HRH2: variants seen among roughly 807,000 people sequenced by gnomAD.
HRH2 encodes histamine H2 receptor.
A neutral mutation model predicts 20.1 loss-of-function variants in HRH2; 4 were observed. That is an observed-to-expected ratio of 0.20 (90% CI 0.10 to 0.45). The LOEUF is 0.45. Among genes scored for constraint, HRH2 ranks in the 20% least tolerant of loss-of-function variants. HRH2 has a pLI of 0.99. For missense variants in HRH2, 250 were observed against 461.6 expected (o/e 0.54, Z 4.20); for synonymous variants, 197 against 200.7 (o/e 0.98, Z 0.16).
intron 2 of HRH2, among the ~76,000 whole-genome samples, chr5:175,684,812 G>C (rs779195782): frequency 1.3e-5 from 2 of 152,200 alleles, no homozygotes; most frequent in African/African-American, 2.4e-5. Context: ...TACCGTGGGG[G>C]GGGTGTAAGT....
chr5:175,694,736 T>C (rs1245713842), intron 2 of HRH2, among the ~76,000 whole-genome samples: 1 of 152,148 alleles, frequency 6.6e-6, no homozygotes, highest in Admixed American at 6.5e-5. Context: ...AGCCTCTGGA[T>C]GGGAAGTGGA....
At chr5:175,685,060 C>T (rs1207830686) in intron 2 of HRH2, among the ~76,000 whole-genome samples, 3 of 152,072 alleles carry the variant, frequency 2.0e-5, no homozygotes, top group Non-Finnish European at 4.4e-5. Context: ...GAGAGGAAAG[C>T]AAAATCAAGG....
intron 2 of HRH2, among the ~76,000 whole-genome samples, chr5:175,701,699 G>T (rs1756791897): frequency 6.6e-6 from 1 of 152,150 alleles, no homozygotes; most frequent in Admixed American, 6.5e-5. Flanking sequence ...AAGGGAAATA[G>T]GTCAACTCCA....
chr5:175,682,886 G>C lies in HRH2; in HGVS notation c.-348G>C. 4.0e-6 allele frequency: 1 copy of C among 249,968 alleles called. No homozygotes were observed. Among genetic ancestry groups the C allele is most frequent in the Non-Finnish European group, 7.7e-6 (1 of 130,454 alleles). 15.5% of individuals were successfully genotyped at this position (249,968 alleles called of 1,614,324 possible). On this transcript the variant is annotated 5_prime_UTR_variant, in exon 2 of 3. Coordinates refer to ENST00000636584, the MANE Select transcript of HRH2 (RefSeq NM_001367711.1). The stretch of plus-strand genomic sequence containing the variant: ...GGATTCTATGCAAAACCTGGGAAGC[G>C]GAGACCTACCCCAGCCCCGGGAGGA...
At chr5:175,705,655 C>A (rs904223416) in intron 2 of HRH2, among the ~76,000 whole-genome samples, 4 of 151,926 alleles carry the variant, frequency 2.6e-5, no homozygotes, top group Non-Finnish European at 5.9e-5. Context: ...AGGTAGTGTG[C>A]CCAGAGTAGA....
Position 175,683,281 on chromosome 5 carries a change from A to G in HRH2, c.48A>G (p.Ala16=), listed in dbSNP as rs768800014. Reference sequence around the variant, plus strand: ...CTTCCTTTTGCCTGGACTCTACCGCATGCAAGATCACCATCACCGTGGTCC... The same window carrying G: ...CTTCCTTTTGCCTGGACTCTACCGCGTGCAAGATCACCATCACCGTGGTCC... ...TASSFCLDST[A]CKITITVVLA... The change falls in exon 2 of 3, where the codon GCA becomes GCG. Residue 16 remains alanine (A), a synonymous_variant. Coordinates refer to ENST00000636584, the MANE Select transcript of HRH2 (RefSeq NM_001367711.1). 1.2e-6 allele frequency: 2 copies of G among 1,614,126 alleles called. No homozygotes were observed. Among genetic ancestry groups the G allele is most frequent in the Non-Finnish European group, 1.7e-6 (2 of 1,180,016 alleles).
At chr5:175,696,177 T>A (rs1213679854) in intron 2 of HRH2, among the ~76,000 whole-genome samples, 1 of 152,038 alleles carries the variant, frequency 6.6e-6, no homozygotes, top group South Asian at 2.1e-4. Context: ...GGCCTGGGAG[T>A]TTCCTTCAGT....
chr5:175,674,121 G>T (rs1055843616), intron 1 of HRH2, among the ~76,000 whole-genome samples: 2 of 152,230 alleles, frequency 1.3e-5, no homozygotes, highest in African/African-American at 4.8e-5. Context: ...TGTTGGCAGA[G>T]GCCAAGCAAA....
chr5:175,695,834 G>A (rs1055949385), intron 2 of HRH2, among the ~76,000 whole-genome samples: 36 of 152,374 alleles, frequency 2.4e-4, no homozygotes, highest in Admixed American at 2.4e-3. Flanking sequence ...CTTCGAAGGG[G>A]CTGAGGAGGA....
chr5:175,704,104 T>A (rs1045683788), intron 2 of HRH2: 2 of 152,130 alleles, frequency 1.3e-5, no homozygotes, highest in African/African-American at 4.8e-5. Context: ...CAGTCCTATA[T>A]AAACTCTCTC....
At chr5:175,658,713 G>C (rs553918678) in intron 1 of HRH2, among the ~76,000 whole-genome samples, 2 of 152,038 alleles carry the variant, frequency 1.3e-5, no homozygotes, top group African/African-American at 2.4e-5. Flanking sequence ...GCCCGCTGCC[G>C]GATGACCGAT....
In HRH2 at chr5:175,709,501, T is replaced by TCTGCAGCTGCGTGC. The variant is rs59064534; in HGVS notation, c.*1549_*1562dup. 4 of 152,288 alleles carry TCTGCAGCTGCGTGC rather than the reference T, an allele frequency of 2.6e-5. No individual in the cohort carries two copies. The highest frequency in any genetic ancestry group is 1.9e-4 in the East Asian group (1 of 5,156). The allele number at this position is 152,288 out of a possible 1,614,324, so 9.4% of individuals were successfully genotyped here. ...TTCAGAGGCGCTCTCCCTCAGCGTG[T>TCTGCAGCTGCGTGC]CTGCAGCTGCGTGCCTGCAGCTGCG... On this transcript the variant is annotated 3_prime_UTR_variant, in exon 3 of 3. Transcript: ENST00000636584.
At chr5:175,696,266 C>T (rs187432222) in intron 2 of HRH2, among the ~76,000 whole-genome samples, 8 of 152,326 alleles carry the variant, frequency 5.3e-5, no homozygotes, top group African/African-American at 9.6e-5. Context: ...TTGAAAAGTT[C>T]GAGCAGCAGG....
rs200955024 is a variant in HRH2 at position 175,669,352 on chromosome 5, ATTTC to A, written c.-526+11209_-526+11212del. Among the ~76,000 whole-genome samples, 826 of 147,370 alleles carry A rather than the reference ATTTC, an allele frequency of 5.6e-3. 4 individuals are homozygous for A. Among genetic ancestry groups the A allele is most frequent in the Middle Eastern group, 0.021 (6 of 284 alleles). ...GCATCCTGGAACTGTGCTTGTAAGA[ATTTC>A]TTTCTTTCTTTTTTTTTTTTTTTTT... On this transcript the variant is annotated intron_variant, in intron 1 of 2. Coordinates refer to ENST00000636584, the MANE Select transcript of HRH2 (RefSeq NM_001367711.1).
intron 1 of HRH2, among the ~76,000 whole-genome samples, chr5:175,676,946 G>A (rs1287384276): frequency 6.6e-6 from 1 of 152,156 alleles, no homozygotes; most frequent in Non-Finnish European, 1.5e-5. Flanking sequence ...ATTCCATTTT[G>A]TGTGTGTCTG....
intron 2 of HRH2, among the ~76,000 whole-genome samples, chr5:175,696,464 G>A (rs1474923645): frequency 6.7e-6 from 1 of 149,388 alleles, no homozygotes; most frequent in East Asian, 2.0e-4. Flanking sequence ...CCGGGCAAGT[G>A]ACTGAAGTTC....
intron 1 of HRH2, among the ~76,000 whole-genome samples, chr5:175,661,556 C>G (rs1412030573): frequency 1.3e-5 from 2 of 152,158 alleles, no homozygotes; most frequent in African/African-American, 4.8e-5. Flanking sequence ...GGCCTACACT[C>G]CTAATCAGGG....
At chr5:175,672,637 CTGAG>C (rs778529664) in intron 1 of HRH2, among the ~76,000 whole-genome samples, 5 of 152,216 alleles carry the variant, frequency 3.3e-5, no homozygotes, top group Non-Finnish European at 7.3e-5. Flanking sequence ...GTTTAGCCAA[CTGAG>C]TGTTAACAGA....
chr5:175,695,382 C>G (rs1423845277), intron 2 of HRH2, among the ~76,000 whole-genome samples: 1 of 152,134 alleles, frequency 6.6e-6, no homozygotes, highest in Non-Finnish European at 1.5e-5. Context: ...AATATAGAGG[C>G]TGGAGAACAG....
Sources: allele counts gnomAD v4.1 joint callset (sites outside exome capture counted in the v4.1 genomes callset), GRCh38; gene constraint gnomAD v4.1.1; transcripts MANE v1.5; gene names NCBI Gene and HGNC (gene_info 2026-07-23, HGNC 2026-07-21).